LRRC4C: variants seen among roughly 807,000 people sequenced by gnomAD.
LRRC4C encodes the protein leucine-rich repeat-containing protein 4C.
In LRRC4C, 5 loss-of-function variants were observed where a neutral mutation model predicts 33.6. The observed-to-expected ratio is 0.15, with a 90% CI of 0.08 to 0.31. The LOEUF is 0.31. Ranked by LOEUF, LRRC4C falls within the 10% of genes least tolerant of loss-of-function variation. The probability of loss-of-function intolerance (pLI) is 1.00; values close to 1 mark genes in which losing one functional copy is unlikely to be tolerated. For synonymous variants in LRRC4C, 329 were observed against 302.0 expected (o/e 1.09, Z -0.93); for missense variants, 560 against 796.7 (o/e 0.70, Z 3.58).
chr11:40,618,268 G>GTA (rs1565565170), intron 3 of LRRC4C, among the ~76,000 whole-genome samples: 10 of 151,230 alleles, frequency 6.6e-5, no homozygotes, highest in Non-Finnish European at 1.3e-4. Context: ...CAGCACCCAG[G>GTA]AAAGACAGCC....
chr11:40,388,195 G>C (rs754834441), intron 3 of LRRC4C, among the ~76,000 whole-genome samples: 1 of 152,010 alleles, frequency 6.6e-6, no homozygotes, highest in Non-Finnish European at 1.5e-5. Context: ...TATAAAAAGG[G>C]GCAAAAAGAT....
At chr11:41,039,598 G>C (rs532340498) in intron 1 of LRRC4C, among the ~76,000 whole-genome samples, 1 of 152,202 alleles carries the variant, frequency 6.6e-6, no homozygotes, top group Non-Finnish European at 1.5e-5. Context: ...TAAATAACTG[G>C]AGTTAGTCGT....
intron 1 of LRRC4C, among the ~76,000 whole-genome samples, chr11:41,155,159 T>C (rs541193140): frequency 5.9e-5 from 9 of 152,146 alleles, no homozygotes; most frequent in Non-Finnish European, 1.0e-4. Flanking sequence ...AGATTTAGTT[T>C]CTACTCCATT....
chr11:40,725,526 AAAG>A lies in LRRC4C; in HGVS notation c.-406-77251_-406-77249del, dbSNP rs959824038. 1.1e-4 allele frequency among the ~76,000 whole-genome samples: 17 copies of A among 152,094 alleles called. No individual in the cohort carries two copies. The Middle Eastern group carries it at 0.01, about 91-fold the overall frequency. On this transcript the variant is annotated intron_variant, in intron 2 of 6. Transcript: ENST00000528697. The stretch of plus-strand genomic sequence containing the variant: ...GCGAGACTCTGTTTAAAAAAAAAAA[AAAG>A]AAGAAGAACTGGATAAGATCCAGTC...
rs558643465 is a variant in LRRC4C at position 40,963,022 on chromosome 11, G to A, written c.-495-29299C>T. ...TACAGAAGTGGTTATGCTTTTAGAT[G>A]TTTGATAAGGAGTAAGTGCCTATAG... is the stretch of plus-strand genomic sequence containing the variant. On this transcript the variant is annotated intron_variant, in intron 1 of 6. Transcript: ENST00000528697. Among the ~76,000 whole-genome samples the A allele has an allele frequency of 3.5e-3, 533 of 151,770 alleles. 2 individuals are homozygous for A. The highest frequency in any genetic ancestry group is 0.01 in the Middle Eastern group (3 of 294).
chr11:40,188,074 T>C (rs550613572), intron 5 of LRRC4C, among the ~76,000 whole-genome samples: 68 of 152,262 alleles, frequency 4.5e-4, no homozygotes, highest in African/African-American at 1.6e-3. Context: ...AAGTGAAGAA[T>C]ACTGAAGGAA....
chr11:40,657,151 C>T (rs926809539), intron 2 of LRRC4C, among the ~76,000 whole-genome samples: 9 of 152,070 alleles, frequency 5.9e-5, no homozygotes, highest in Non-Finnish European at 1.0e-4. Context: ...GAAATTGATA[C>T]TTAGTGAAGT....
intron 1 of LRRC4C, among the ~76,000 whole-genome samples, chr11:41,159,439 A>C (rs1368238053): frequency 1.3e-5 from 2 of 152,158 alleles, no homozygotes; most frequent in East Asian, 1.9e-4. Context: ...AAGGGCAGAG[A>C]AAAAGGTATA....
intron 1 of LRRC4C, among the ~76,000 whole-genome samples, chr11:41,131,391 C>T (rs1391567524): frequency 6.6e-6 from 1 of 152,048 alleles, no homozygotes; most frequent in Admixed American, 6.6e-5. Context: ...TTTTTATGTT[C>T]AGTTTCTGGA....
chr11:40,563,020 CCT>C (rs1258820351), intron 3 of LRRC4C, among the ~76,000 whole-genome samples: 1 of 151,702 alleles, frequency 6.6e-6, no homozygotes, highest in Non-Finnish European at 1.5e-5. Context: ...CTTCTCCTCT[CCT>C]CTCCTCTTGA....
intron 1 of LRRC4C, among the ~76,000 whole-genome samples, chr11:41,198,361 G>A (rs1946268095): frequency 6.6e-6 from 1 of 151,754 alleles, no homozygotes; most frequent in Admixed American, 6.6e-5. Context: ...CATAATTCTA[G>A]GTATAAATAA....
chr11:40,396,827 T>C (rs1057145638), intron 3 of LRRC4C, among the ~76,000 whole-genome samples: 1 of 152,090 alleles, frequency 6.6e-6, no homozygotes, highest in Non-Finnish European at 1.5e-5. Flanking sequence ...CTCAAAACCA[T>C]TTATGATTTG....
chr11:40,259,603 G>A (rs2136242453), intron 4 of LRRC4C, among the ~76,000 whole-genome samples: 2 of 152,242 alleles, frequency 1.3e-5, no homozygotes, highest in Admixed American at 1.3e-4. Context: ...GTGTAAGGAA[G>A]GGATCCAGTT....
At chr11:40,260,847 A>G (rs1488869610) in intron 4 of LRRC4C, among the ~76,000 whole-genome samples, 2 of 152,194 alleles carry the variant, frequency 1.3e-5, no homozygotes, top group Non-Finnish European at 1.5e-5. Flanking sequence ...AATGCATGGC[A>G]TACACAAAAT....
chr11:40,898,123 G>A (rs1956032782), intron 2 of LRRC4C, among the ~76,000 whole-genome samples: 1 of 152,050 alleles, frequency 6.6e-6, no homozygotes. Flanking sequence ...AGGAGGCCGA[G>A]GCGGGCAGAT....
At chr11:40,743,208 GA>G (rs1948246967) in intron 2 of LRRC4C, among the ~76,000 whole-genome samples, 2 of 152,174 alleles carry the variant, frequency 1.3e-5, no homozygotes, top group South Asian at 4.1e-4. Flanking sequence ...TATCAACAGT[GA>G]AAGCATGCAT....
At chr11:40,598,165 A>T (rs914185638) in intron 3 of LRRC4C, among the ~76,000 whole-genome samples, 14 of 152,302 alleles carry the variant, frequency 9.2e-5, no homozygotes, top group African/African-American at 3.4e-4. Flanking sequence ...TATCTCTTGG[A>T]GAAACTAAGA....
At chr11:41,228,212 G>A (rs1947628903) in intron 1 of LRRC4C, among the ~76,000 whole-genome samples, 1 of 151,946 alleles carries the variant, frequency 6.6e-6, no homozygotes, top group African/African-American at 2.4e-5. Context: ...CTTTCTTTGG[G>A]TTGGAGGTTC....
At chr11:41,426,029 G>T (rs1032988131) in intron 1 of LRRC4C, among the ~76,000 whole-genome samples, 1 of 152,102 alleles carries the variant, frequency 6.6e-6, no homozygotes, top group Non-Finnish European at 1.5e-5. Context: ...TAAACCATAC[G>T]TTGATAGATT....
Sources: gnomAD v4.1 joint callset for allele counts (sites outside exome capture counted in the v4.1 genomes callset) on GRCh38, gnomAD v4.1.1 for gene constraint, MANE v1.5 for transcripts, NCBI Gene and HGNC (gene_info 2026-07-23, HGNC 2026-07-21) for gene names.